IMMP2L: variants seen among roughly 807,000 people sequenced by gnomAD.
IMMP2L encodes mitochondrial inner membrane protease subunit 2.
Under a neutral mutation model 19.3 loss-of-function variants are expected in IMMP2L, and 18 were observed. That is an observed-to-expected ratio of 0.93 (90% CI 0.64 to 1.38). IMMP2L has a LOEUF of 1.38. IMMP2L is among the 40% of genes most tolerant of loss of function. The probability of loss-of-function intolerance (pLI) is 0.00; values close to 1 mark genes in which losing one functional copy is unlikely to be tolerated. For synonymous variants in IMMP2L, 76 were observed against 73.0 expected, an observed-to-expected ratio of 1.04 and a Z score of -0.21; for missense variants, 233 against 218.2, an observed-to-expected ratio of 1.07 and a Z score of -0.43.
At chr7:111,482,071 T>C (rs1842239711) in intron 3 of IMMP2L, among the ~76,000 whole-genome samples, 1 of 152,156 alleles carries the variant, frequency 6.6e-6, no homozygotes, top group South Asian at 2.1e-4. Flanking sequence ...ACAGGTAGCA[T>C]TTTAGTAATA....
At chr7:111,243,525 T>TA (rs1815445942) in intron 3 of IMMP2L, among the ~76,000 whole-genome samples, 1 of 148,646 alleles carries the variant, frequency 6.7e-6, no homozygotes, top group African/African-American at 2.4e-5. Flanking sequence ...TTTTTTTTTT[T>TA]TTTATTATAC....
At chr7:111,305,812 T>C (rs1332250224) in intron 3 of IMMP2L, among the ~76,000 whole-genome samples, 1 of 152,172 alleles carries the variant, frequency 6.6e-6, no homozygotes, top group Non-Finnish European at 1.5e-5. Flanking sequence ...CCTGTGAGAA[T>C]GTCACTAACC....
intron 3 of IMMP2L, among the ~76,000 whole-genome samples, chr7:111,428,554 C>A (rs1422029016): frequency 2.7e-5 from 4 of 147,534 alleles, no homozygotes; most frequent in Non-Finnish European, 5.9e-5. Flanking sequence ...TTAAAATTTT[C>A]TTTGATACAG....
At chr7:111,173,594 T>A (rs1355325388) in intron 3 of IMMP2L, among the ~76,000 whole-genome samples, 1 of 151,658 alleles carries the variant, frequency 6.6e-6, no homozygotes. Context: ...TTTCTCAAGT[T>A]TGGTAAACAG....
chr7:111,141,127 G>A lies in IMMP2L; in HGVS notation c.240-177562C>T, dbSNP rs1263373297. Among the ~76,000 whole-genome samples, 3 of 152,070 alleles carry A rather than the reference G, an allele frequency of 2.0e-5. No homozygotes were observed. In the East Asian group the frequency reaches 5.8e-4, roughly 29 times the overall value. On this transcript the variant is annotated intron_variant, in intron 3 of 5. Transcript: ENST00000405709. ...TATGCATTAGTGTCTGTAGGCTCTG[G>A]GGTGACTGGGGATGGAGAAAGCAAA...
intron 3 of IMMP2L, among the ~76,000 whole-genome samples, chr7:111,161,115 G>T (rs975420520): frequency 2.0e-5 from 3 of 151,604 alleles, no homozygotes; most frequent in Non-Finnish European, 4.4e-5. Context: ...AAATACAACA[G>T]ACTCCGAGAT....
chr7:110,843,051 A>T (rs939496547), intron 5 of IMMP2L, among the ~76,000 whole-genome samples: 1 of 152,196 alleles, frequency 6.6e-6, no homozygotes, highest in Non-Finnish European at 1.5e-5. Flanking sequence ...TTATTGGATT[A>T]CTCAAGATAG....
chr7:111,513,964 T>C (rs969420694), intron 2 of IMMP2L, among the ~76,000 whole-genome samples: 1 of 152,028 alleles, frequency 6.6e-6, no homozygotes, highest in Non-Finnish European at 1.5e-5. Flanking sequence ...ATCTCACTTA[T>C]ATGGGTAATC....
intron 3 of IMMP2L, among the ~76,000 whole-genome samples, chr7:110,979,900 A>G (rs1205611499): frequency 6.6e-6 from 1 of 152,230 alleles, no homozygotes; most frequent in East Asian, 1.9e-4. Flanking sequence ...TTAATTTTAC[A>G]CTTTAAAAAT....
At position 110,931,747 on chromosome 7, in the gene IMMP2L, A is replaced by G. The variant is rs111485200; in HGVS notation, c.305+31753T>C. Among the ~76,000 whole-genome samples the G allele has an allele frequency of 1.2e-3, 186 of 152,208 alleles. 1 individual carries two copies. The highest frequency in any genetic ancestry group is 4.4e-3 in the African/African-American group (181 of 41,536). ...CCTCTCGTGGCTTCCTATCTTACTT[A>G]AAGTAAAATATAAGCTCTGCCATGG... On this transcript the variant is annotated intron_variant, in intron 4 of 5. Coordinates refer to ENST00000405709, the MANE Select transcript of IMMP2L (RefSeq NM_032549.4).
intron 3 of IMMP2L, among the ~76,000 whole-genome samples, chr7:111,451,861 T>C (rs1380463857): frequency 1.3e-5 from 2 of 152,030 alleles, no homozygotes; most frequent in East Asian, 3.9e-4. Flanking sequence ...TAGAAGCATA[T>C]GCAAGAAATC....
chr7:111,419,064 A>G (rs758588875), intron 3 of IMMP2L, among the ~76,000 whole-genome samples: 1 of 151,868 alleles, frequency 6.6e-6, no homozygotes, highest in Non-Finnish European at 1.5e-5. Context: ...TGGAAATCAA[A>G]TCAAATGCCT....
At chr7:111,353,059 A>G (rs113235217) in intron 3 of IMMP2L, among the ~76,000 whole-genome samples, 337 of 152,280 alleles carry the variant, frequency 2.2e-3, no homozygotes, top group African/African-American at 7.0e-3. Flanking sequence ...AAGTGATACC[A>G]TGTCATTCAA....
chr7:110,757,250 A>G lies in IMMP2L; in HGVS notation c.409-93529T>C, dbSNP rs1216374077. On this transcript the variant is annotated intron_variant, in intron 5 of 5. Coordinates refer to ENST00000405709, the MANE Select transcript of IMMP2L (RefSeq NM_032549.4). The surrounding 1 kb of genome is among the most constrained non-coding windows in gnomAD (Gnocchi z 4.2). Reference sequence around the variant, plus strand: ...TCACGGGTGTGCAATCTGGGGAGTCACTGAGGGAACCACATCCAGAAGGGC... The same window carrying G: ...TCACGGGTGTGCAATCTGGGGAGTCGCTGAGGGAACCACATCCAGAAGGGC... Among the ~76,000 whole-genome samples the G allele has an allele frequency of 3.9e-5, 6 of 152,026 alleles. No homozygotes were observed. The highest frequency in any genetic ancestry group is 3.9e-4 in the Admixed American group (6 of 15,220).
intron 5 of IMMP2L, among the ~76,000 whole-genome samples, chr7:110,730,772 G>A (rs1020695244): frequency 1.2e-4 from 19 of 152,164 alleles, no homozygotes; most frequent in African/African-American, 3.9e-4. Flanking sequence ...TGATCCACCC[G>A]CCTCAGCCTC....
At chr7:111,002,939 A>G (rs1439013923) in intron 3 of IMMP2L, among the ~76,000 whole-genome samples, 1 of 152,154 alleles carries the variant, frequency 6.6e-6, no homozygotes, top group Non-Finnish European at 1.5e-5. Context: ...AAATTCTCAA[A>G]CTGTACATCC....
intron 3 of IMMP2L, among the ~76,000 whole-genome samples, chr7:111,427,292 T>C (rs1381797002): frequency 6.6e-6 from 1 of 151,634 alleles, no homozygotes; most frequent in African/African-American, 2.4e-5. Context: ...TTTCTGTAGG[T>C]ACTATCAAAT....
chr7:111,199,981 T>G (rs1208306664), intron 3 of IMMP2L, among the ~76,000 whole-genome samples: 1 of 152,124 alleles, frequency 6.6e-6, no homozygotes, highest in East Asian at 1.9e-4. Context: ...CAATTTAGTT[T>G]CTCTATTAAA....
intron 1 of IMMP2L, among the ~76,000 whole-genome samples, chr7:111,527,131 G>A (rs1172226707): frequency 6.6e-6 from 1 of 152,008 alleles, no homozygotes; most frequent in East Asian, 1.9e-4. Flanking sequence ...CTTTGAACAA[G>A]TCACTTCTGG....
Sources: allele counts gnomAD v4.1 joint callset (sites outside exome capture counted in the v4.1 genomes callset), GRCh38; gene constraint gnomAD v4.1.1; non-coding constraint Gnocchi (gnomAD v3.1); transcripts MANE v1.5; gene names NCBI Gene and HGNC (gene_info 2026-07-23, HGNC 2026-07-21).